Variants in NRG3 observed in about 807,000 individuals in gnomAD.
The protein encoded by NRG3 is pro-neuregulin-3, membrane-bound isoform.
NRG3 carries 31 observed loss-of-function variants against 66.9 expected under a neutral mutation model. The ratio of observed to expected loss-of-function variants is 0.46; its 90% confidence interval spans 0.35 to 0.63. NRG3 has a LOEUF of 0.63. Among genes scored for constraint, NRG3 ranks in the 20% least tolerant of loss-of-function variants. The pLI is 0.00. For synonymous variants in NRG3, 393 were observed against 359.4 expected (o/e 1.09, Z -1.06); for missense variants, 910 against 878.9 (o/e 1.04, Z -0.45).
intron 3 of NRG3, among the ~76,000 whole-genome samples, chr10:82,851,862 G>T (rs185171122): frequency 2.0e-4 from 31 of 152,194 alleles, no homozygotes; most frequent in African/African-American, 7.2e-4. Flanking sequence ...GGAGAAGATG[G>T]GCAAGCAAAC....
intron 1 of NRG3, among the ~76,000 whole-genome samples, chr10:82,062,353 C>G (rs2064201121): frequency 6.6e-6 from 1 of 152,096 alleles, no homozygotes; most frequent in Non-Finnish European, 1.5e-5. Context: ...CACCTGTAAT[C>G]CCAGCAGTTT....
At chr10:82,017,780 G>T (rs1330255869) in intron 1 of NRG3, among the ~76,000 whole-genome samples, 1 of 152,164 alleles carries the variant, frequency 6.6e-6, no homozygotes, top group African/African-American at 2.4e-5. Flanking sequence ...ACTTGTTGAT[G>T]GGGTTGTTTG....
intron 1 of NRG3, among the ~76,000 whole-genome samples, chr10:82,077,379 A>G (rs1043698239): frequency 1.1e-4 from 16 of 152,210 alleles, no homozygotes; most frequent in Non-Finnish European, 8.8e-5. Context: ...CTAAGTGCTT[A>G]TTTTGTAATT....
At chr10:82,292,570 A>G (rs1275571607) in intron 1 of NRG3, among the ~76,000 whole-genome samples, 3 of 152,204 alleles carry the variant, frequency 2.0e-5, no homozygotes, top group East Asian at 1.9e-4. Flanking sequence ...CTAACCAAAA[A>G]TTAAAAACAA....
At chr10:82,661,707 G>A (rs759667363) in intron 2 of NRG3, among the ~76,000 whole-genome samples, 1 of 152,154 alleles carries the variant, frequency 6.6e-6, no homozygotes, top group Non-Finnish European at 1.5e-5. Context: ...TGTGTGTGGC[G>A]TATTTATGTA....
intron 1 of NRG3, among the ~76,000 whole-genome samples, chr10:82,199,861 A>C (rs1207238609): frequency 7.1e-6 from 1 of 139,880 alleles, no homozygotes; most frequent in Non-Finnish European, 1.5e-5. Context: ...TATCTGTGTT[A>C]TTGAGAGTGT....
intron 1 of NRG3, among the ~76,000 whole-genome samples, chr10:82,007,176 G>A (rs1316988413): frequency 2.0e-5 from 3 of 149,370 alleles, no homozygotes; most frequent in Non-Finnish European, 4.5e-5. Context: ...TATTATAAAA[G>A]TAACTCTTTA....
chr10:82,856,635 T>C (rs1016052245), intron 3 of NRG3, among the ~76,000 whole-genome samples: 5 of 149,634 alleles, frequency 3.3e-5, no homozygotes, highest in East Asian at 2.0e-4. Context: ...TCCCAGCTAC[T>C]TGGGGGGCTG....
chr10:82,723,179 C>T lies in NRG3; in HGVS notation c.954-15398C>T, dbSNP rs140262010. On this transcript the variant is annotated intron_variant, in intron 2 of 8. Transcript: ENST00000372141. ...TTACATCTTTCACAAAACATGGATGCAGCTAGAGGCCATTATCCTAAGCAA... is the reference window on the plus strand; with the variant it reads ...TTACATCTTTCACAAAACATGGATGTAGCTAGAGGCCATTATCCTAAGCAA... Among the ~76,000 whole-genome samples, 832 of 152,218 alleles carry T rather than the reference C, an allele frequency of 5.5e-3. 9 individuals carry two copies. Among genetic ancestry groups the T allele is most frequent in the African/African-American group, 0.019 (791 of 41,542 alleles).
intron 3 of NRG3, among the ~76,000 whole-genome samples, chr10:82,747,307 G>A (rs2058685472): frequency 6.6e-6 from 1 of 151,886 alleles, no homozygotes; most frequent in Admixed American, 6.6e-5. Flanking sequence ...GCTGTTTAGT[G>A]GGTTTCCAAT....
intron 1 of NRG3, among the ~76,000 whole-genome samples, chr10:81,896,153 A>T (rs1843507721): frequency 6.6e-6 from 1 of 152,192 alleles, no homozygotes. Flanking sequence ...ATCCATTTCC[A>T]GGCATCTGGA....
chr10:82,545,970 G>A (rs192724033), intron 2 of NRG3, among the ~76,000 whole-genome samples: 44 of 143,524 alleles, frequency 3.1e-4, no homozygotes, highest in African/African-American at 1.1e-3. Flanking sequence ...GTAGAGACCG[G>A]GTGTTAGCCA....
chr10:82,532,866 G>A (rs1052481122), intron 2 of NRG3, among the ~76,000 whole-genome samples: 5 of 150,896 alleles, frequency 3.3e-5, no homozygotes, highest in African/African-American at 1.2e-4. Flanking sequence ...CATTGATGCC[G>A]CACCACTTTG....
chr10:82,805,368 T>C (rs750991267), intron 3 of NRG3, among the ~76,000 whole-genome samples: 1 of 152,216 alleles, frequency 6.6e-6, no homozygotes, highest in Non-Finnish European at 1.5e-5. Context: ...GTGAATGCAC[T>C]TAGAGTAAAA....
chr10:82,354,192 G>A (rs1317467991), intron 1 of NRG3, among the ~76,000 whole-genome samples: 1 of 147,364 alleles, frequency 6.8e-6, no homozygotes. Flanking sequence ...GCGCCACCAT[G>A]CCCAAATAAT....
chr10:82,566,830 A>G (rs2045440447), intron 2 of NRG3, among the ~76,000 whole-genome samples: 1 of 152,038 alleles, frequency 6.6e-6, no homozygotes, highest in Non-Finnish European at 1.5e-5. Context: ...CTGAAACATA[A>G]TGGGCTTTGT....
chr10:82,663,715 G>GA (rs1469892826), intron 2 of NRG3, among the ~76,000 whole-genome samples: 4 of 152,200 alleles, frequency 2.6e-5, no homozygotes, highest in African/African-American at 7.2e-5. Context: ...GCAAACACTA[G>GA]AAAATGATAT....
At chr10:82,197,801 G>T (rs931880978) in intron 1 of NRG3, among the ~76,000 whole-genome samples, 14 of 152,110 alleles carry the variant, frequency 9.2e-5, no homozygotes, top group Non-Finnish European at 1.6e-4. Flanking sequence ...GAGTCCTTAA[G>T]CTATTCATGA....
At chr10:82,903,154 G>A (rs777274343) in intron 4 of NRG3, among the ~76,000 whole-genome samples, 3 of 152,144 alleles carry the variant, frequency 2.0e-5, no homozygotes, top group Non-Finnish European at 4.4e-5. Flanking sequence ...ATGTAAAGAT[G>A]TAGTATTATG....
Sources: gnomAD v4.1 joint callset for allele counts (sites outside exome capture counted in the v4.1 genomes callset) on GRCh38, gnomAD v4.1.1 for gene constraint, MANE v1.5 for transcripts, NCBI Gene and HGNC (gene_info 2026-07-23, HGNC 2026-07-21) for gene names.